Variants in TMEM132B observed in about 807,000 individuals in gnomAD.
TMEM132B encodes transmembrane protein 132B.
A neutral mutation model predicts 90.8 loss-of-function variants in TMEM132B; 18 were observed. The observed-to-expected ratio is 0.20, with a 90% CI of 0.14 to 0.29. TMEM132B has a LOEUF of 0.29. TMEM132B is among the 10% of genes least tolerant of loss of function. The pLI, the probability that TMEM132B is intolerant of heterozygous loss-of-function variation, is 1.00. For synonymous variants in TMEM132B, 504 were observed against 523.3 expected (o/e 0.96, Z 0.50); for missense variants, 1,096 against 1,326.8 (o/e 0.83, Z 2.70).
intron 1 of TMEM132B, among the ~76,000 whole-genome samples, chr12:125,219,562 G>A (rs1178454613): frequency 1.3e-5 from 2 of 152,160 alleles, no homozygotes; most frequent in Admixed American, 6.5e-5. Context: ...CCTCTGTTGT[G>A]TGTGTGGGAA....
chr12:125,215,976 T>C (rs1873428995), intron 1 of TMEM132B, among the ~76,000 whole-genome samples: 2 of 152,240 alleles, frequency 1.3e-5, no homozygotes, highest in African/African-American at 4.8e-5. Flanking sequence ...ATGCACATCT[T>C]TGGGCACCAT....
At chr12:125,300,091 C>T (rs1376331189) in intron 1 of TMEM132B, among the ~76,000 whole-genome samples, 4 of 152,236 alleles carry the variant, frequency 2.6e-5, no homozygotes, top group Non-Finnish European at 4.4e-5. Flanking sequence ...ACACCTTCCC[C>T]CAGATACCTC....
chr12:125,464,952 A>G (rs1881526494), intron 3 of TMEM132B, among the ~76,000 whole-genome samples: 1 of 152,188 alleles, frequency 6.6e-6, no homozygotes, highest in African/African-American at 2.4e-5. Context: ...GAGACTTTGT[A>G]CACTTTTATT....
At chr12:125,424,463 A>G (rs1174260222) in intron 3 of TMEM132B, among the ~76,000 whole-genome samples, 1 of 152,190 alleles carries the variant, frequency 6.6e-6, no homozygotes, top group African/African-American at 2.4e-5. Context: ...TTCTGGTTAC[A>G]TTTAATAACT....
At chr12:125,215,166 T>C (rs1387634469) in intron 1 of TMEM132B, among the ~76,000 whole-genome samples, 1 of 152,254 alleles carries the variant, frequency 6.6e-6, no homozygotes, top group Non-Finnish European at 1.5e-5. Context: ...GAACCATCAT[T>C]GAGGGCAAAT....
At chr12:125,364,747 T>C (rs932191549) in intron 2 of TMEM132B, among the ~76,000 whole-genome samples, 1 of 152,116 alleles carries the variant, frequency 6.6e-6, no homozygotes, top group African/African-American at 2.4e-5. Flanking sequence ...TTTCTTAGTA[T>C]TTTATATTTT....
Position 125,662,167 on chromosome 12 carries a change from C to T in TMEM132B, c.*7457C>T, listed in dbSNP as rs1343790443. 2.0e-5 allele frequency: 3 copies of T among 152,164 alleles called. No individual in the cohort carries two copies. The highest frequency in any genetic ancestry group is 4.4e-5 in the Non-Finnish European group (3 of 68,018). The allele number at this position is 152,164 out of a possible 1,614,324, so 9.4% of individuals were successfully genotyped here. On this transcript the variant is annotated 3_prime_UTR_variant, in exon 9 of 9. Coordinates refer to ENST00000682704, the MANE Select transcript of TMEM132B (RefSeq NM_001366854.1). The stretch of plus-strand genomic sequence containing the variant: ...CACATTTCTGAATTGGATTCTTGTT[C>T]CCTGGTAAACACCAGATATTATAAA...
rs563803360 is a variant in TMEM132B, at chr12:125,256,598, T to A, written c.67+69732T>A. Among the ~76,000 whole-genome samples the A allele has an allele frequency of 5.9e-5, 9 of 152,374 alleles. No individual in the cohort carries two copies. In the South Asian group the frequency reaches 1.9e-3, roughly 32 times the overall value. ...GACGTGACCTGCAAAGCCTGAAATA[T>A]TCGCCATCTGGCCCTTTACAGAAAA... On this transcript the variant is annotated intron_variant, in intron 1 of 8. Coordinates refer to ENST00000682704, the MANE Select transcript of TMEM132B (RefSeq NM_001366854.1).
intron 5 of TMEM132B, chr12:125,585,769 T>A (rs1885166077): frequency 6.6e-6 from 1 of 152,194 alleles, no homozygotes; most frequent in Non-Finnish European, 1.5e-5. Flanking sequence ...TGGAAGATGA[T>A]ACCTTTTTGC....
At chr12:125,206,140 T>C (rs991049661) in intron 1 of TMEM132B, among the ~76,000 whole-genome samples, 5 of 152,160 alleles carry the variant, frequency 3.3e-5, no homozygotes, top group African/African-American at 4.8e-5. Flanking sequence ...CTTTTTTCGC[T>C]TAGTTTTTTC....
chr12:125,503,523 G>T (rs908155784), intron 3 of TMEM132B, among the ~76,000 whole-genome samples: 3 of 152,184 alleles, frequency 2.0e-5, no homozygotes, highest in African/African-American at 7.2e-5. Flanking sequence ...TACACCAGTG[G>T]ACCCGTTTCT....
In TMEM132B at chr12:125,186,457, C is replaced by T. The variant is rs1392903276; in HGVS notation, c.-343C>T. ...GGCGGCGGCGGCGGCGGCGGCGCGA[C>T]CGGGATGGGACGGGCGCTGGGGCGC... On this transcript the variant is annotated 5_prime_UTR_variant, in exon 1 of 9. Coordinates refer to ENST00000682704, the MANE Select transcript of TMEM132B (RefSeq NM_001366854.1). The surrounding 1 kb of genome is among the most constrained non-coding windows in gnomAD (Gnocchi z 6.3). Among the ~76,000 whole-genome samples, 1 of 146,500 alleles carries T rather than the reference C, an allele frequency of 6.8e-6. No homozygotes were observed. The highest frequency in any genetic ancestry group is 2.4e-5 in the African/African-American group (1 of 40,852).
At chr12:125,380,949 C>G (rs1404145249) in intron 2 of TMEM132B, among the ~76,000 whole-genome samples, 3 of 152,242 alleles carry the variant, frequency 2.0e-5, no homozygotes, top group Non-Finnish European at 4.4e-5. Flanking sequence ...TGAATGCACA[C>G]CCTCTTCCCT....
At chr12:125,570,906 A>G (rs1384326387) in intron 4 of TMEM132B, among the ~76,000 whole-genome samples, 1 of 152,198 alleles carries the variant, frequency 6.6e-6, no homozygotes, top group African/African-American at 2.4e-5. Flanking sequence ...GTTGTGGGCC[A>G]GAACCTCACA....
At chr12:125,326,987 T>C (rs410598) in intron 1 of TMEM132B, among the ~76,000 whole-genome samples, 106,360 of 151,840 alleles carry the variant, frequency 0.7, 38,586 homozygotes, top group African/African-American at 0.89. Flanking sequence ...GGCACCTGCT[T>C]TCCCTTCTCT....
intron 5 of TMEM132B, among the ~76,000 whole-genome samples, chr12:125,633,216 G>C (rs984508024): frequency 6.6e-6 from 1 of 152,014 alleles, no homozygotes; most frequent in Non-Finnish European, 1.5e-5. Context: ...TAAGTGACTG[G>C]TGCGTTCTTC....
chr12:125,526,266 A>G (rs778178219), intron 4 of TMEM132B, among the ~76,000 whole-genome samples: 1 of 152,176 alleles, frequency 6.6e-6, no homozygotes, highest in Non-Finnish European at 1.5e-5. Context: ...TTAGCCTCCC[A>G]TCACCTTCCT....
chr12:125,469,615 C>T (rs1468655042), intron 3 of TMEM132B, among the ~76,000 whole-genome samples: 1 of 152,162 alleles, frequency 6.6e-6, no homozygotes, highest in Non-Finnish European at 1.5e-5. Flanking sequence ...AGGGAAGAGT[C>T]TCCACTGGAG....
chr12:125,207,526 C>T (rs149623212), intron 1 of TMEM132B, among the ~76,000 whole-genome samples: 201 of 152,272 alleles, frequency 1.3e-3, no homozygotes, highest in African/African-American at 4.4e-3. Flanking sequence ...TGATGTGGAG[C>T]GCTGAAATGT....
Sources: allele counts gnomAD v4.1 joint callset (sites outside exome capture counted in the v4.1 genomes callset), GRCh38; gene constraint gnomAD v4.1.1; non-coding constraint Gnocchi (gnomAD v3.1); transcripts MANE v1.5; gene names NCBI Gene and HGNC (gene_info 2026-07-23, HGNC 2026-07-21).